Variants in GHR observed in about 807,000 individuals in gnomAD.
GHR encodes GH receptor.
GHR carries 35 observed loss-of-function variants against 67.1 expected under a neutral mutation model. The ratio of observed to expected loss-of-function variants is 0.52; its 90% CI spans 0.40 to 0.69. GHR has a LOEUF of 0.69. Among genes scored for constraint, GHR ranks in the 30% least tolerant of loss-of-function variants. The pLI is 0.00. For missense variants in GHR, 792 were observed against 764.6 expected (o/e 1.04, Z -0.42); for synonymous variants, 272 against 269.1 (o/e 1.01, Z -0.10).
chr5:42,692,695 C>T (rs1237638829), intron 4 of GHR, among the ~76,000 whole-genome samples: 1 of 152,078 alleles, frequency 6.6e-6, no homozygotes, highest in East Asian at 1.9e-4. Flanking sequence ...TTTAAACAGT[C>T]CTCATGGGGA....
intron 3 of GHR, among the ~76,000 whole-genome samples, chr5:42,644,396 T>C (rs1172622745): frequency 6.6e-6 from 1 of 152,096 alleles, no homozygotes; most frequent in Non-Finnish European, 1.5e-5. Flanking sequence ...GTCTTTAAGA[T>C]TGCAGTAAGC....
chr5:42,678,393 A>G (rs1756673015), intron 3 of GHR, among the ~76,000 whole-genome samples: 1 of 152,218 alleles, frequency 6.6e-6, no homozygotes, highest in South Asian at 2.1e-4. Flanking sequence ...GAGAATGAAT[A>G]TCACCATCAC....
At chr5:42,610,501 C>G (rs1752841379) in intron 2 of GHR, among the ~76,000 whole-genome samples, 2 of 152,082 alleles carry the variant, frequency 1.3e-5, no homozygotes, top group African/African-American at 4.8e-5. Context: ...CAGGGTTTGG[C>G]TGCCATGTTA....
At chr5:42,531,304 T>G (rs1340020462) in intron 1 of GHR, among the ~76,000 whole-genome samples, 2 of 151,760 alleles carry the variant, frequency 1.3e-5, no homozygotes, top group East Asian at 3.9e-4. Flanking sequence ...GTTTTTAAAG[T>G]CACTGATTCT....
At position 42,456,521 on chromosome 5, in the gene GHR, A is replaced by G. The variant is rs1043151740; in HGVS notation, c.-12+32566A>G. Among the ~76,000 whole-genome samples the G allele has an allele frequency of 9.2e-5, 14 of 152,290 alleles. No homozygotes were observed. The South Asian group carries it at 1.5e-3, about 16-fold the overall frequency. ...AATGCCTTTTAAATTTGTTACCAAC[A>G]TAGAAAAAAAAAGGTTTCCGGCTTC... On this transcript the variant is annotated intron_variant, in intron 1 of 9. Coordinates refer to ENST00000230882, the MANE Select transcript of GHR (RefSeq NM_000163.5).
At chr5:42,438,379 C>G (rs1743424523) in intron 1 of GHR, among the ~76,000 whole-genome samples, 1 of 152,122 alleles carries the variant, frequency 6.6e-6, no homozygotes, top group South Asian at 2.1e-4. Flanking sequence ...CTTTGAAATT[C>G]CTCCCTCCAA....
At chr5:42,463,202 T>C (rs1744560805) in intron 1 of GHR, among the ~76,000 whole-genome samples, 1 of 152,224 alleles carries the variant, frequency 6.6e-6, no homozygotes, top group Non-Finnish European at 1.5e-5. Context: ...TGAAATATAA[T>C]TTAATAAGCA....
At chr5:42,533,663 C>T (rs1748079008) in intron 1 of GHR, among the ~76,000 whole-genome samples, 1 of 151,382 alleles carries the variant, frequency 6.6e-6, no homozygotes, top group South Asian at 2.1e-4. Flanking sequence ...ATTGAGAATG[C>T]TTTTATTATA....
At chr5:42,664,550 G>A (rs1450208776) in intron 3 of GHR, among the ~76,000 whole-genome samples, 2 of 152,132 alleles carry the variant, frequency 1.3e-5, no homozygotes, top group South Asian at 4.1e-4. Context: ...TATGTAGAAA[G>A]CTGAAACTGG....
rs149622039 is a variant in GHR, at chr5:42,683,374, T to C, written c.137-5516T>C. On this transcript the variant is annotated intron_variant, in intron 3 of 9. Coordinates refer to ENST00000230882, the MANE Select transcript of GHR (RefSeq NM_000163.5). ...TGGCCAGAGGCCATGCTTAGTTCTC[T>C]GCTGTATGGTTCTCACCACACAGCA... Among the ~76,000 whole-genome samples, 316 of 152,354 alleles carry C rather than the reference T, an allele frequency of 2.1e-3. 1 individual carries two copies. Among genetic ancestry groups the C allele is most frequent in the African/African-American group, 7.4e-3 (306 of 41,584 alleles).
At chr5:42,576,046 TAATAAAATAAAATAAAATAAAATA>T (rs1475698606) in intron 2 of GHR, among the ~76,000 whole-genome samples, 5 of 55,886 alleles carry the variant, frequency 8.9e-5, no homozygotes, top group African/African-American at 3.4e-4. Flanking sequence ...AAAATTAAAA[TAATAAAATAAAATAAAATAAAATA>T]AAATAAAATA....
chr5:42,573,424 T>C (rs1750446618), intron 2 of GHR, among the ~76,000 whole-genome samples: 1 of 152,056 alleles, frequency 6.6e-6, no homozygotes, highest in Admixed American at 6.5e-5. Context: ...GGGAGCCTGA[T>C]GTCCTGCCTA....
chr5:42,501,228 C>T lies in GHR; in HGVS notation c.-11-64636C>T, dbSNP rs140416165. On this transcript the variant is annotated intron_variant, in intron 1 of 9. Transcript: ENST00000230882. ...AAGACTAAATCCAGTAGTATTGCTC[C>T]GGTAGGTTCAATCATATTCAAGTGT... Among the ~76,000 whole-genome samples the T allele has an allele frequency of 4.0e-3, 613 of 152,150 alleles. 2 individuals carry two copies. Among genetic ancestry groups the T allele is most frequent in the African/African-American group, 0.014 (565 of 41,496 alleles).
rs955192371 is a variant in GHR at position 42,719,688 on chromosome 5, T to C, written c.*264T>C. 5 of 453,812 alleles carry C rather than the reference T, an allele frequency of 1.1e-5. No homozygotes were observed. Among genetic ancestry groups the C allele is most frequent in the African/African-American group, 7.9e-5 (4 of 50,470 alleles). 28.1% of individuals were successfully genotyped at this position (453,812 alleles called of 1,614,324 possible). A position where few individuals can be genotyped will look rare whatever the true frequency, so the allele number is the denominator to read the frequency against. On this transcript the variant is annotated 3_prime_UTR_variant, in exon 10 of 10. Coordinates refer to ENST00000230882, the MANE Select transcript of GHR (RefSeq NM_000163.5). ...TTTAGTAGCAGTGATTGTCTTAATA[T>C]TGTGGGTGTTAATTTTTGATACTAA...
At chr5:42,439,705 C>G (rs372520409) in intron 1 of GHR, among the ~76,000 whole-genome samples, 1 of 151,762 alleles carries the variant, frequency 6.6e-6, no homozygotes, top group Non-Finnish European at 1.5e-5. Flanking sequence ...GTTGACTTGT[C>G]TTTTAAAAAA....
intron 2 of GHR, among the ~76,000 whole-genome samples, chr5:42,567,910 AC>A (rs386687639): frequency 1.3e-5 from 2 of 152,024 alleles, no homozygotes; most frequent in Admixed American, 1.3e-4. Flanking sequence ...ATATTTATGG[AC>A]CATGTGTTTG....
intron 1 of GHR, among the ~76,000 whole-genome samples, chr5:42,455,522 T>G (rs772464107): frequency 6.6e-6 from 1 of 152,246 alleles, no homozygotes; most frequent in Non-Finnish European, 1.5e-5. Context: ...AGTAGATTTT[T>G]GAACTTTCAT....
At chr5:42,635,220 T>C (rs1754119806) in intron 3 of GHR, among the ~76,000 whole-genome samples, 1 of 152,194 alleles carries the variant, frequency 6.6e-6, no homozygotes, top group Non-Finnish European at 1.5e-5. Context: ...TGCTCAGCCT[T>C]TCCTGACTCA....
At chr5:42,443,753 G>A (rs1037996440) in intron 1 of GHR, among the ~76,000 whole-genome samples, 27 of 152,078 alleles carry the variant, frequency 1.8e-4, no homozygotes, top group African/African-American at 6.5e-4. Flanking sequence ...GTCCAAGTCC[G>A]CTGCAGAATT....
Sources: allele counts gnomAD v4.1 joint callset (sites outside exome capture counted in the v4.1 genomes callset), GRCh38; gene constraint gnomAD v4.1.1; transcripts MANE v1.5; gene names NCBI Gene and HGNC (gene_info 2026-07-23, HGNC 2026-07-21).